The following ARID4A variants were observed in gnomAD, a reference collection of about 807,000 sequenced individuals.
ARID4A encodes the protein AT-rich interaction domain 4A, also known as AT-rich interactive domain-containing protein 4A.
A neutral mutation model predicts 148.6 loss-of-function variants in ARID4A; 39 were observed. The ratio of observed to expected loss-of-function variants is 0.26; its 90% CI spans 0.20 to 0.34. ARID4A has a LOEUF of 0.34. Ranked by LOEUF, ARID4A falls within the 10% of genes least tolerant of loss-of-function variation. ARID4A has a pLI of 1.00. For synonymous variants in ARID4A, 475 were observed against 481.2 expected (o/e 0.99, Z 0.17); for missense variants, 1,265 against 1,449.1 (o/e 0.87, Z 2.06).
intron 14 of ARID4A, 55 bp from the exon 15 acceptor site, chr14:58,347,592 T>A: frequency 7.4e-7 from 1 of 1,351,746 alleles, no homozygotes; most frequent in Non-Finnish European, 1.0e-6. Flanking sequence ...ATAACATGAA[T>A]TCAAGTTAGA....
In ARID4A at chr14:58,365,061, T is replaced by C; in HGVS notation, c.2972T>C (p.Ile991Thr). 6.2e-7 allele frequency: 1 copy of C among 1,614,160 alleles called. No homozygotes were observed. The highest frequency in any genetic ancestry group is 8.5e-7 in the Non-Finnish European group (1 of 1,180,010). The change falls in exon 20 of 24, where the codon ATT becomes ACT. Residue 991 changes from isoleucine to threonine, a missense_variant. This residue lies in a region of ARID4A where 666 missense variants were observed against 730.9 expected (regional missense o/e 0.91). Transcript: ENST00000355431. ...ESSESNSLVS[I>T]PPALPPVVQH... ...TCTGAGTCTAACTCTCTTGTTTCTA[T>C]TCCACCTGCCCTACCTCCTGTAGTC...
chr14:58,304,882 G>A, intron 3 of ARID4A, 62 bp from the exon 4 acceptor site: 1 of 1,300,824 alleles, frequency 7.7e-7, no homozygotes, highest in African/African-American at 1.5e-5. Context: ...TTGTTATAGT[G>A]TTACTATAAA....
chr14:58,364,976 G>C lies in ARID4A; in HGVS notation c.2887G>C (p.Asp963His). ...TGAAACCTTGGTTTGCCATGAAGTA[G>C]ATTTGGATGATTTGGATGAAAAGGA... is the stretch of plus-strand genomic sequence containing the variant. ...GPETLVCHEV[D>H]LDDLDEKDKT... The change falls in exon 20 of 24, where the codon GAT (aspartate) becomes CAT (histidine). Residue 963 changes from aspartate (D) to histidine (H), a missense_variant. By Grantham distance (81) the Asp-to-His change is moderately conservative. Transcript: ENST00000355431. 6.2e-7 allele frequency: 1 copy of C among 1,614,124 alleles called. No homozygotes were observed. The highest frequency in any genetic ancestry group is 8.5e-7 in the Non-Finnish European group (1 of 1,180,004).
At chr14:58,365,467 C>CTTTTTTTTTTTTTTTTTTTTTTT in intron 20 of ARID4A, 51 bp from the exon 21 acceptor site, 4 of 349,156 alleles carry the variant, frequency 1.1e-5, no homozygotes, top group South Asian at 3.9e-5. Context: ...TATACTTGCT[C>CTTTTTTTTTTTTTTTTTTTTTTT]TTTTTTTTTT....
intron 5 of ARID4A, among the ~76,000 whole-genome samples, chr14:58,313,353 C>T (rs1311528008): frequency 6.6e-6 from 1 of 152,136 alleles, no homozygotes; most frequent in Non-Finnish European, 1.5e-5. Context: ...CAGGCATTAG[C>T]ATCTCATAAG....
chr14:58,320,425 A>C (rs1387809626), intron 7 of ARID4A, among the ~76,000 whole-genome samples: 1 of 152,108 alleles, frequency 6.6e-6, no homozygotes, highest in Non-Finnish European at 1.5e-5. Context: ...ATCATAATAT[A>C]TGGTTAATAT....
intron 16 of ARID4A, among the ~76,000 whole-genome samples, chr14:58,352,661 A>C (rs2140245199): frequency 6.6e-6 from 1 of 152,268 alleles, no homozygotes; most frequent in East Asian, 1.9e-4. Context: ...AAACATTCTC[A>C]CTACAAATGG....
At chr14:58,339,132 G>A (rs370066136) in intron 11 of ARID4A, among the ~76,000 whole-genome samples, 8 of 151,244 alleles carry the variant, frequency 5.3e-5, no homozygotes, top group East Asian at 3.9e-4. Flanking sequence ...CACCATGCCC[G>A]GCTAATTTAT....
At chr14:58,312,278 G>A (rs1448003715) in intron 5 of ARID4A, among the ~76,000 whole-genome samples, 3 of 150,302 alleles carry the variant, frequency 2.0e-5, no homozygotes, top group Non-Finnish European at 3.0e-5. Flanking sequence ...GAGCAGTGGC[G>A]CGATCTTGGC....
In ARID4A at chr14:58,353,850, T is replaced by C. The variant is rs17832939; in HGVS notation, c.1848T>C (p.Asn616=). The C allele has an allele frequency of 0.042, 67,050 of 1,609,684 alleles. 1,664 individuals are homozygous for C. Among genetic ancestry groups the C allele is most frequent in the Non-Finnish European group, 0.047 (55,286 of 1,178,508 alleles). Reference sequence around the variant, plus strand: ...ATTTGGTACATTACTATGGATGGAATGTCAGGTAAGCAAGAAACTATTTTC... The same window carrying C: ...ATTTGGTACATTACTATGGATGGAACGTCAGGTAAGCAAGAAACTATTTTC... ...VLYLVHYYGW[N]VRYDEWVKAD... is the part of the protein sequence containing the mutation. Residue 616 remains asparagine (N), a synonymous_variant, in exon 17 of 24, where the codon AAT becomes AAC. Coordinates refer to ENST00000355431, the MANE Select transcript of ARID4A (RefSeq NM_002892.4).
intron 3 of ARID4A, chr14:58,303,899 T>A (rs763811218): frequency 1.1e-4 from 18 of 161,692 alleles, no homozygotes; most frequent in Non-Finnish European, 2.2e-4. Flanking sequence ...AACTTGAGGC[T>A]AGAAGTTTGA....
chr14:58,335,374 C>T lies in ARID4A; in HGVS notation c.906+5205C>T, dbSNP rs557270116. 2.1e-4 allele frequency among the ~76,000 whole-genome samples: 31 copies of T among 148,758 alleles called. No individual in the cohort carries two copies. The South Asian group carries it at 6.2e-3, about 30-fold the overall frequency. ...TGTTTGCCAGGCTGGAGTGCAATGG[C>T]GTGATCTCGGCTCACCACAACCTCC... On this transcript the variant is annotated intron_variant, in intron 11 of 23. Transcript: ENST00000355431.
In ARID4A at chr14:58,364,742, A is replaced by G. The variant is rs1566724935; in HGVS notation, c.2653A>G (p.Arg885Gly). ...AATGACAAATACTGTATCTCAAGAA[A>G]GGACCAGTGATTGTATTGGATCTGA... ...MEMTNTVSQE[R>G]TSDCIGSEGM... The change falls in exon 20 of 24, where the codon AGG becomes GGG. Residue 885 changes from arginine to glycine, a missense_variant. By Grantham distance (125) the Arg-to-Gly change is moderately radical. Transcript: ENST00000355431. 1 of 1,613,986 alleles carries G rather than the reference A, an allele frequency of 6.2e-7. No individual in the cohort carries two copies. Among genetic ancestry groups the G allele is most frequent in the Non-Finnish European group, 8.5e-7 (1 of 1,179,950 alleles).
chr14:58,347,201 C>G (rs2034416373), intron 14 of ARID4A, 84 bp downstream of exon 14: 1 of 671,860 alleles, frequency 1.5e-6, no homozygotes. Context: ...ATACATCAAT[C>G]TAGAAACATT....
rs1270024810 is a variant in ARID4A, at chr14:58,373,623, C to T, written c.*1634C>T. On this transcript the variant is annotated 3_prime_UTR_variant, in exon 24 of 24. Coordinates refer to ENST00000355431, the MANE Select transcript of ARID4A (RefSeq NM_002892.4). ...CAGAGAATTAAAAACAAAAAAAGTA[C>T]TCTTGTAAAATGCACTTTTCTGTCT... 1.1e-5 allele frequency: 2 copies of T among 176,088 alleles called. No homozygotes were observed. Among genetic ancestry groups the T allele is most frequent in the Non-Finnish European group, 2.4e-5 (2 of 81,718 alleles). 10.9% of individuals were successfully genotyped at this position (176,088 alleles called of 1,614,324 possible). A position where few individuals can be genotyped will look rare whatever the true frequency, so the allele number is the denominator to read the frequency against.
chr14:58,342,429 A>C (rs190005428), intron 11 of ARID4A, among the ~76,000 whole-genome samples: 1 of 152,262 alleles, frequency 6.6e-6, no homozygotes, highest in African/African-American at 2.4e-5. Flanking sequence ...ACATAAATCA[A>C]ATTTTATCTA....
At chr14:58,308,491 C>T (rs758815083) in intron 5 of ARID4A, among the ~76,000 whole-genome samples, 2 of 152,214 alleles carry the variant, frequency 1.3e-5, no homozygotes, top group African/African-American at 2.4e-5. Flanking sequence ...TTTGCACTTA[C>T]GTGCATGAAG....
intron 5 of ARID4A, among the ~76,000 whole-genome samples, chr14:58,315,367 A>G (rs1419951899): frequency 6.6e-6 from 1 of 152,132 alleles, no homozygotes; most frequent in Non-Finnish European, 1.5e-5. Context: ...TTGCTGAAAT[A>G]TTTTGTTTAA....
intron 1 of ARID4A, among the ~76,000 whole-genome samples, chr14:58,299,090 G>A (rs1566658915): frequency 2.0e-5 from 3 of 152,220 alleles, no homozygotes; most frequent in African/African-American, 7.2e-5. Flanking sequence ...TCTCTGGGCT[G>A]TACAAAAAGT....
Sources: gnomAD v4.1 joint callset for allele counts (sites outside exome capture counted in the v4.1 genomes callset) on GRCh38, gnomAD v4.1.1 for gene constraint, gnomAD v4.1.1 regional missense constraint, MANE v1.5 for transcripts, NCBI Gene and HGNC (gene_info 2026-07-23, HGNC 2026-07-21) for gene names.